Variants in VSTM2L observed in about 807,000 individuals in gnomAD.
VSTM2L encodes the protein V-set and transmembrane domain containing 2 like.
Under a neutral mutation model 19.9 loss-of-function variants are expected in VSTM2L, and 9 were observed. That is an observed-to-expected ratio of 0.45 (90% CI 0.27 to 0.79). The LOEUF is 0.79. Among genes scored for constraint, VSTM2L ranks in the 30% least tolerant of loss-of-function variants. The probability of loss-of-function intolerance (pLI) is 0.15; values close to 1 mark genes in which losing one functional copy is unlikely to be tolerated. For missense variants in VSTM2L, 286 were observed against 295.5 expected (o/e 0.97, Z 0.24); for synonymous variants, 127 against 133.8 (o/e 0.95, Z 0.35).
Position 37,944,847 on chromosome 20 carries a change from C to G in VSTM2L, c.*594C>G. On this transcript the variant is annotated 3_prime_UTR_variant, in exon 4 of 4. Coordinates refer to ENST00000373461, the MANE Select transcript of VSTM2L (RefSeq NM_080607.3). ...GATGCCCCACCACCTCCTGGCGAGT[C>G]CTTCCTGTTCAGCTCCCTGTGCGAC... 1 of 986,068 alleles carries G rather than the reference C, an allele frequency of 1.0e-6. No individual in the cohort carries two copies. Among genetic ancestry groups the G allele is most frequent in the Non-Finnish European group, 1.2e-6 (1 of 830,116 alleles). 61.1% of individuals were successfully genotyped at this position (986,068 alleles called of 1,614,324 possible).
rs982490000 is a variant in VSTM2L, at chr20:37,944,297, A to T, written c.*44A>T. On this transcript the variant is annotated 3_prime_UTR_variant, in exon 4 of 4. Transcript: ENST00000373461. ...GCCCATCCGCCCCCACGCTGTACAGAGTGCATGAGGAGCCGCCGGACCACC... is the reference window on the plus strand; with the variant it reads ...GCCCATCCGCCCCCACGCTGTACAGTGTGCATGAGGAGCCGCCGGACCACC... 39 of 1,419,384 alleles carry T rather than the reference A, an allele frequency of 2.7e-5. No homozygotes were observed. The highest frequency in any genetic ancestry group is 3.6e-5 in the Non-Finnish European group (39 of 1,080,042). The allele number at this position is 1,419,384 out of a possible 1,614,324, so 87.9% of individuals were successfully genotyped here.
chr20:37,932,633 C>T (rs2072917371), intron 2 of VSTM2L, among the ~76,000 whole-genome samples: 1 of 152,122 alleles, frequency 6.6e-6, no homozygotes, highest in Admixed American at 6.5e-5. Flanking sequence ...AACTAACCAA[C>T]AACATACCCC....
chr20:37,935,791 A>G (rs1418182432), intron 3 of VSTM2L, among the ~76,000 whole-genome samples: 1 of 152,112 alleles, frequency 6.6e-6, no homozygotes, highest in Non-Finnish European at 1.5e-5. Flanking sequence ...AGAGCCTGGC[A>G]TGGTGTAGTA....
intron 1 of VSTM2L, among the ~76,000 whole-genome samples, chr20:37,918,976 A>C (rs913565940): frequency 2.6e-5 from 4 of 152,218 alleles, no homozygotes; most frequent in African/African-American, 7.2e-5. Context: ...ACAACTGTAC[A>C]TGGCAGTCCA....
At chr20:37,920,055 G>A (rs2072841864) in intron 1 of VSTM2L, among the ~76,000 whole-genome samples, 1 of 152,228 alleles carries the variant, frequency 6.6e-6, no homozygotes, top group Non-Finnish European at 1.5e-5. Flanking sequence ...TTCTCACGCT[G>A]CTGGAAAAGG....
chr20:37,924,080 T>G (rs1203934254), intron 1 of VSTM2L, among the ~76,000 whole-genome samples: 1 of 151,716 alleles, frequency 6.6e-6, no homozygotes, highest in East Asian at 1.9e-4. Context: ...CTACAAAAAT[T>G]TTAAAAATTA....
rs1220894716 is a variant in VSTM2L, at chr20:37,931,811, C to A, written c.291+7C>A. On this transcript the variant is annotated splice_region_variant and intron_variant, in intron 2 of 3. Coordinates refer to ENST00000373461, the MANE Select transcript of VSTM2L (RefSeq NM_080607.3). ...GGCGTGGGCCTCGAACCAGGTAATGCCCCTGGGGAGATGCCCAAGCTGGGC... is the reference window on the plus strand; with the variant it reads ...GGCGTGGGCCTCGAACCAGGTAATGACCCTGGGGAGATGCCCAAGCTGGGC... 4 of 1,610,496 alleles carry A rather than the reference C, an allele frequency of 2.5e-6. 1 individual carries two copies. Among genetic ancestry groups the A allele is most frequent in the South Asian group, 2.2e-5 (2 of 90,862 alleles).
chr20:37,914,431 TTGTG>T (rs1261451556), intron 1 of VSTM2L, among the ~76,000 whole-genome samples: 1 of 726 alleles, frequency 1.4e-3, no homozygotes, highest in Non-Finnish European at 3.1e-3. Flanking sequence ...TATGTGTGTA[TTGTG>T]TGTATGTGTA....
At chr20:37,929,172 G>T (rs1222015127) in intron 1 of VSTM2L, among the ~76,000 whole-genome samples, 1 of 152,144 alleles carries the variant, frequency 6.6e-6, no homozygotes, top group Non-Finnish European at 1.5e-5. Flanking sequence ...GGAGAGGGAG[G>T]GAGCCATGTG....
chr20:37,909,253 G>A (rs1005347340), intron 1 of VSTM2L, among the ~76,000 whole-genome samples: 1 of 152,228 alleles, frequency 6.6e-6, no homozygotes, highest in Non-Finnish European at 1.5e-5. Flanking sequence ...GAAAGCATGG[G>A]GAGAGTGTGT....
intron 1 of VSTM2L, among the ~76,000 whole-genome samples, chr20:37,913,332 A>G (rs2072791700): frequency 6.6e-6 from 1 of 152,192 alleles, no homozygotes. Context: ...AGGCAGAAGT[A>G]GCCTTTGTTT....
intron 1 of VSTM2L, among the ~76,000 whole-genome samples, chr20:37,929,565 G>A (rs6013465): frequency 0.045 from 6,870 of 152,216 alleles, 488 homozygotes; most frequent in African/African-American, 0.16. Context: ...GGTGAGTAGA[G>A]CAGGGACAGG....
chr20:37,903,932 GAC>G (rs1343847747), intron 1 of VSTM2L, among the ~76,000 whole-genome samples: 1 of 152,140 alleles, frequency 6.6e-6, no homozygotes, highest in African/African-American at 2.4e-5. Context: ...CCCACCTGCA[GAC>G]ACACTGGTGC....
At chr20:37,940,204 C>T (rs1000539998) in intron 3 of VSTM2L, among the ~76,000 whole-genome samples, 5 of 152,208 alleles carry the variant, frequency 3.3e-5, no homozygotes, top group African/African-American at 1.2e-4. Context: ...ACAGCATCTC[C>T]TAACTCGCCA....
At chr20:37,904,616 A>T (rs2072741126) in intron 1 of VSTM2L, among the ~76,000 whole-genome samples, 1 of 152,380 alleles carries the variant, frequency 6.6e-6, no homozygotes, top group East Asian at 1.9e-4. Flanking sequence ...ACAGGCTGAC[A>T]GCCTTGTTGG....
At chr20:37,920,358 C>A (rs1479031288) in intron 1 of VSTM2L, among the ~76,000 whole-genome samples, 3 of 152,222 alleles carry the variant, frequency 2.0e-5, no homozygotes, top group Non-Finnish European at 4.4e-5. Flanking sequence ...ATCGTGGGCT[C>A]CAATCAGAAA....
intron 1 of VSTM2L, among the ~76,000 whole-genome samples, chr20:37,917,077 G>A (rs550362379): frequency 6.6e-6 from 1 of 152,286 alleles, no homozygotes; most frequent in African/African-American, 2.4e-5. Flanking sequence ...ACTTCTGGAG[G>A]CCAAGACGGG....
intron 1 of VSTM2L, among the ~76,000 whole-genome samples, chr20:37,919,399 T>TG (rs1312541173): frequency 1.3e-5 from 2 of 152,180 alleles, no homozygotes; most frequent in African/African-American, 4.8e-5. Flanking sequence ...AACCCTCGGG[T>TG]GCCTCCCTGG....
intron 1 of VSTM2L, among the ~76,000 whole-genome samples, chr20:37,912,101 A>G (rs995146382): frequency 1.3e-5 from 2 of 152,078 alleles, no homozygotes; most frequent in African/African-American, 4.8e-5. Context: ...GGGCCCTCCC[A>G]TTTTACAGAG....
Sources: gnomAD v4.1 joint callset for allele counts (sites outside exome capture counted in the v4.1 genomes callset) on GRCh38, gnomAD v4.1.1 for gene constraint, MANE v1.5 for transcripts, NCBI Gene and HGNC (gene_info 2026-07-23, HGNC 2026-07-21) for gene names.